TSPAN5: variants seen among roughly 807,000 people sequenced by gnomAD.
The protein encoded by TSPAN5 is tetraspanin-5.
Under a neutral mutation model 37.1 loss-of-function variants are expected in TSPAN5, and 10 were observed. That is an observed-to-expected ratio of 0.27 (90% CI 0.17 to 0.46). The LOEUF (loss-of-function observed/expected upper bound fraction) is 0.46, where lower values mean the gene tolerates loss of function less well. Ranked by LOEUF, TSPAN5 falls within the 20% of genes least tolerant of loss-of-function variation. The pLI is 1.00. For missense variants in TSPAN5, 195 were observed against 326.6 expected, an observed-to-expected ratio of 0.60 and a Z score of 3.11; for synonymous variants, 110 against 118.9, an observed-to-expected ratio of 0.93 and a Z score of 0.48.
At chr4:98,647,814 A>T (rs1757101305) in intron 1 of TSPAN5, among the ~76,000 whole-genome samples, 1 of 151,904 alleles carries the variant, frequency 6.6e-6, no homozygotes, top group South Asian at 2.1e-4. Flanking sequence ...TTGGGTTTGC[A>T]TACCATTCTG....
chr4:98,572,497 T>C (rs1426969864), intron 1 of TSPAN5, among the ~76,000 whole-genome samples: 1 of 152,230 alleles, frequency 6.6e-6, no homozygotes, highest in Admixed American at 6.5e-5. Flanking sequence ...TTCATGAAGC[T>C]TACGTTTGGG....
At chr4:98,476,164 T>C in intron 7 of TSPAN5, 25 bp downstream of exon 7, 1 of 1,555,596 alleles carries the variant, frequency 6.4e-7, no homozygotes, top group Non-Finnish European at 8.9e-7. Flanking sequence ...TTCCCTGTGA[T>C]ATCCATAAAG....
At chr4:98,616,451 G>A (rs751910673) in intron 1 of TSPAN5, among the ~76,000 whole-genome samples, 7 of 152,116 alleles carry the variant, frequency 4.6e-5, no homozygotes, top group Non-Finnish European at 1.0e-4. Flanking sequence ...GGAAGTTAAA[G>A]AGAGATCTTT....
intron 1 of TSPAN5, among the ~76,000 whole-genome samples, chr4:98,647,632 T>C (rs1476637058): frequency 6.6e-6 from 1 of 152,204 alleles, no homozygotes; most frequent in Non-Finnish European, 1.5e-5. Flanking sequence ...AACATCACTT[T>C]TCCCTTCCAA....
intron 1 of TSPAN5, among the ~76,000 whole-genome samples, chr4:98,548,122 T>C (rs771638647): frequency 6.6e-6 from 1 of 151,922 alleles, no homozygotes; most frequent in Non-Finnish European, 1.5e-5. Context: ...TCTCCCACGG[T>C]CTCTTAGAAA....
chr4:98,536,839 T>TC (rs1182804051), intron 1 of TSPAN5, among the ~76,000 whole-genome samples: 3 of 152,088 alleles, frequency 2.0e-5, no homozygotes, highest in Non-Finnish European at 4.4e-5. Context: ...CGGACGCCCC[T>TC]CCCCCGACCA....
chr4:98,625,143 T>C (rs554805273), intron 1 of TSPAN5, among the ~76,000 whole-genome samples: 1 of 152,274 alleles, frequency 6.6e-6, no homozygotes, highest in Non-Finnish European at 1.5e-5. Context: ...CTATGGGCAG[T>C]AGTTATTTAT....
intron 1 of TSPAN5, among the ~76,000 whole-genome samples, chr4:98,586,458 A>C (rs1430331939): frequency 6.6e-6 from 1 of 152,234 alleles, no homozygotes; most frequent in Non-Finnish European, 1.5e-5. Flanking sequence ...CAAGTTAAAA[A>C]AAAAGAAGGC....
At chr4:98,622,678 G>A (rs1419408778) in intron 1 of TSPAN5, among the ~76,000 whole-genome samples, 1 of 152,196 alleles carries the variant, frequency 6.6e-6, no homozygotes, top group Non-Finnish European at 1.5e-5. Context: ...ACATTCAAGA[G>A]GACATGTCAG....
At chr4:98,546,478 A>G (rs1448810162) in intron 1 of TSPAN5, among the ~76,000 whole-genome samples, 1 of 152,250 alleles carries the variant, frequency 6.6e-6, no homozygotes, top group Non-Finnish European at 1.5e-5. Context: ...TCCCCGACAG[A>G]ATAGAAAATA....
intron 2 of TSPAN5, among the ~76,000 whole-genome samples, chr4:98,497,960 G>A (rs116811373): frequency 0.015 from 2,243 of 152,316 alleles, 51 homozygotes; most frequent in African/African-American, 0.051. Context: ...TTGTATCTGA[G>A]GGCATTTGGA....
intron 1 of TSPAN5, among the ~76,000 whole-genome samples, chr4:98,531,513 A>G (rs984224778): frequency 5.3e-5 from 8 of 152,206 alleles, no homozygotes; most frequent in African/African-American, 1.9e-4. Flanking sequence ...TATTGTGAAT[A>G]GTGCTGCAAT....
intron 1 of TSPAN5, among the ~76,000 whole-genome samples, chr4:98,618,327 A>AT (rs1341875786): frequency 1.3e-5 from 2 of 152,198 alleles, no homozygotes; most frequent in African/African-American, 2.4e-5. Context: ...TAATGTACTA[A>AT]TACCTCAGAC....
rs967357496 is a variant in TSPAN5 at position 98,472,316 on chromosome 4, C to T, written c.*206G>A. 8.9e-6 allele frequency: 4 copies of T among 448,724 alleles called. No homozygotes were observed. The highest frequency in any genetic ancestry group is 4.1e-5 in the African/African-American group (2 of 49,146). 27.8% of individuals were successfully genotyped at this position (448,724 alleles called of 1,614,324 possible). On this transcript the variant is annotated 3_prime_UTR_variant, in exon 8 of 8. Coordinates refer to ENST00000305798, the MANE Select transcript of TSPAN5 (RefSeq NM_005723.4). ...GCTACAGTAGAGATTCACGGCGCAA[C>T]GACTTTCATACTGGTTATTTTTTTT...
intron 1 of TSPAN5, among the ~76,000 whole-genome samples, chr4:98,610,896 CT>C (rs1259578301): frequency 2.0e-5 from 3 of 152,180 alleles, no homozygotes; most frequent in Non-Finnish European, 4.4e-5. Context: ...GTGATTCCCC[CT>C]GACCCCGCTC....
intron 1 of TSPAN5, among the ~76,000 whole-genome samples, chr4:98,606,148 A>G (rs1213018692): frequency 6.6e-6 from 1 of 152,190 alleles, no homozygotes; most frequent in African/African-American, 2.4e-5. Flanking sequence ...AACAAACTCC[A>G]ATCGAGTGAA....
chr4:98,483,293 T>A (rs1169205274), intron 3 of TSPAN5: 3 of 152,138 alleles, frequency 2.0e-5, no homozygotes, highest in Non-Finnish European at 4.4e-5. Flanking sequence ...TGCGGTTCTA[T>A]CTTCAGCAAG....
intron 1 of TSPAN5, among the ~76,000 whole-genome samples, chr4:98,634,003 C>T (rs57630714): frequency 0.012 from 1,865 of 151,758 alleles, 36 homozygotes; most frequent in African/African-American, 0.043. Flanking sequence ...CGCTTGAACC[C>T]GGGAGGCAGA....
At chr4:98,502,455 A>T (rs556297001) in intron 2 of TSPAN5, among the ~76,000 whole-genome samples, 1 of 152,156 alleles carries the variant, frequency 6.6e-6, no homozygotes, top group African/African-American at 2.4e-5. Context: ...AAACCAGGAG[A>T]GTGTGATATC....
Sources: allele counts gnomAD v4.1 joint callset (sites outside exome capture counted in the v4.1 genomes callset), GRCh38; gene constraint gnomAD v4.1.1; transcripts MANE v1.5; gene names NCBI Gene and HGNC (gene_info 2026-07-23, HGNC 2026-07-21).